Variants in MPHOSPH10 observed in about 807,000 individuals in gnomAD.
The protein encoded by MPHOSPH10 is U3 small nucleolar ribonucleoprotein MPP10.
In MPHOSPH10, 33 loss-of-function variants were observed where a neutral mutation model predicts 77.3. The observed-to-expected ratio is 0.43, with a 90% CI of 0.32 to 0.57. The LOEUF (loss-of-function observed/expected upper bound fraction) is 0.57. Ranked by LOEUF, MPHOSPH10 falls within the 20% of genes least tolerant of loss-of-function variation. The pLI is 0.07. For missense variants in MPHOSPH10, 708 were observed against 780.1 expected, an observed-to-expected ratio of 0.91 and a Z score of 1.10; for synonymous variants, 245 against 268.0, an observed-to-expected ratio of 0.91 and a Z score of 0.84.
intron 5 of MPHOSPH10, chr2:71,138,863 C>T (rs1049822559): frequency 1.7e-5 from 11 of 629,480 alleles, no homozygotes; most frequent in South Asian, 3.8e-5. Context: ...GGTGAAACCC[C>T]GTCTCTACTA....
chr2:71,134,904 C>T (rs1673456184), intron 4 of MPHOSPH10, 107 bp downstream of exon 4: 17 of 894,298 alleles, frequency 1.9e-5, no homozygotes, highest in South Asian at 1.9e-4. Flanking sequence ...CAGTGGCTCA[C>T]GCCTGTAATC....
At chr2:71,134,845 C>A in intron 4 of MPHOSPH10, 48 bp downstream of exon 4, 1 of 1,370,122 alleles carries the variant, frequency 7.3e-7, no homozygotes, top group Non-Finnish European at 1.0e-6. Flanking sequence ...ATTAACCATC[C>A]TTTGAAAACT....
Position 71,141,251 on chromosome 2 carries a change from G to C in MPHOSPH10, c.1328G>C (p.Arg443Pro), listed in dbSNP as rs201469945. The change falls in exon 7 of 11, where the codon CGT (arginine) becomes CCT (proline). Residue 443 changes from arginine (R) to proline (P), a missense_variant. By Grantham distance (103) the Arg-to-Pro change is moderately radical. Coordinates refer to ENST00000244230, the MANE Select transcript of MPHOSPH10 (RefSeq NM_005791.3). ...TTTCAGGCTTGGGATGATGTAGTAC[G>C]TAAAGAAAAACCTAAAGAGGATGCA... ...IRDQAWDDVVRKEKPKEDAYE... is the reference protein window; with the variant it reads ...IRDQAWDDVVPKEKPKEDAYE... 45 of 1,524,208 alleles carry C rather than the reference G, an allele frequency of 3.0e-5. No homozygotes were observed. In the East Asian group the frequency reaches 1.1e-3, roughly 37 times the overall value. 94.4% of individuals were successfully genotyped at this position (1,524,208 alleles called of 1,614,324 possible).
chr2:71,141,521 G>A, intron 7 of MPHOSPH10, 152 bp downstream of exon 7: 2 of 610,160 alleles, frequency 3.3e-6, no homozygotes, highest in Non-Finnish European at 5.0e-6. Flanking sequence ...GAATAGAAGG[G>A]TTCTAATATT....
chr2:71,134,509 A>T, intron 3 of MPHOSPH10, 117 bp from the exon 4 acceptor site: 1 of 875,298 alleles, frequency 1.1e-6, no homozygotes, highest in Non-Finnish European at 1.7e-6. Context: ...GGAAGTTCTG[A>T]GTATTTGGTT....
At chr2:71,139,676 C>A in intron 5 of MPHOSPH10, 119 bp from the exon 6 acceptor site, 1 of 662,992 alleles carries the variant, frequency 1.5e-6, no homozygotes, top group South Asian at 2.0e-5. Flanking sequence ...GGGGGTGGCC[C>A]AGGAATTTGC....
At chr2:71,139,092 G>A in intron 5 of MPHOSPH10, 1 of 287,368 alleles carries the variant, frequency 3.5e-6, no homozygotes, top group Non-Finnish European at 6.7e-6. Context: ...AAATACTACA[G>A]TGAACACCTA....
intron 2 of MPHOSPH10, 70 bp downstream of exon 2, chr2:71,133,646 A>G (rs1673431911): frequency 5.6e-6 from 8 of 1,418,810 alleles, no homozygotes; most frequent in Non-Finnish European, 7.6e-6. Context: ...TCTAGGAGAG[A>G]TTTAATTGTA....
intron 7 of MPHOSPH10, among the ~76,000 whole-genome samples, chr2:71,144,026 G>A (rs1296781785): frequency 6.6e-6 from 1 of 152,192 alleles, no homozygotes; most frequent in Non-Finnish European, 1.5e-5. Flanking sequence ...TGCCACTGTG[G>A]CCGCATCATT....
intron 10 of MPHOSPH10, 113 bp from the exon 11 acceptor site, chr2:71,149,753 C>T: frequency 2.1e-6 from 2 of 936,930 alleles, no homozygotes; most frequent in Non-Finnish European, 3.2e-6. Context: ...TAATTCTAGT[C>T]CTTTTTCATA....
At chr2:71,144,107 T>TG in intron 7 of MPHOSPH10, 1 of 171,140 alleles carries the variant, frequency 5.8e-6, no homozygotes, top group Non-Finnish European at 1.2e-5. Flanking sequence ...TGTTATCACT[T>TG]GCTATTTTCC....
chr2:71,142,611 A>C (rs1379590838), intron 7 of MPHOSPH10, among the ~76,000 whole-genome samples: 1 of 152,360 alleles, frequency 6.6e-6, no homozygotes, highest in South Asian at 2.1e-4. Context: ...TGTGTATGTA[A>C]TGTGGCTCAG....
At position 71,134,176 on chromosome 2, in the gene MPHOSPH10, T is replaced by C. The variant is rs149506545; in HGVS notation, c.926+71T>C. ...AATCATGTGTGTGTACTCGTAGTTA[T>C]CAAATGTGTTTGTCTTAGCAAGTTC... On this transcript the variant is annotated intron_variant, in intron 3 of 10. Transcript: ENST00000244230. 2,111 of 1,427,720 alleles carry C rather than the reference T, an allele frequency of 1.5e-3. 20 individuals are homozygous for C. The African/African-American group carries it at 0.018, about 12-fold the overall frequency. The allele number at this position is 1,427,720 out of a possible 1,614,324, so 88.4% of individuals were successfully genotyped here. A position where few individuals can be genotyped will look rare whatever the true frequency, so the allele number is the denominator to read the frequency against.
In MPHOSPH10 at chr2:71,147,966, G is replaced by T. The variant is rs756306082; in HGVS notation, c.1558-33G>T. ...CACATTTTGTGTTAGAGTCCCTTCT[G>T]GCTTCCCATTGAATGTATTATCTCT... On this transcript the variant is annotated intron_variant, in intron 8 of 10. Coordinates refer to ENST00000244230, the MANE Select transcript of MPHOSPH10 (RefSeq NM_005791.3). 3 of 1,551,636 alleles carry T rather than the reference G, an allele frequency of 1.9e-6. No homozygotes were observed. In the South Asian group the frequency reaches 3.3e-5, roughly 17 times the overall value.
At chr2:71,149,604 T>G in intron 10 of MPHOSPH10, 151 bp downstream of exon 10, 2 of 805,876 alleles carry the variant, frequency 2.5e-6, no homozygotes, top group Non-Finnish European at 3.9e-6. Flanking sequence ...CAACCTTTAA[T>G]GTTCTAGAAT....
intron 7 of MPHOSPH10, among the ~76,000 whole-genome samples, chr2:71,142,876 T>A (rs550672682): frequency 2.0e-5 from 3 of 152,282 alleles, no homozygotes; most frequent in African/African-American, 7.2e-5. Flanking sequence ...GGTGGGTTTC[T>A]TTTTTTCATG....
intron 8 of MPHOSPH10, among the ~76,000 whole-genome samples, 168 bp from the exon 9 acceptor site, chr2:71,147,831 C>A (rs1572901994): frequency 1.3e-5 from 2 of 152,150 alleles, no homozygotes; most frequent in Non-Finnish European, 2.9e-5. Flanking sequence ...CCATATCTAA[C>A]ATTTTAAATA....
At position 71,149,363 on chromosome 2, in the gene MPHOSPH10, C is replaced by T; in HGVS notation, c.1806C>T (p.Ser602=). The T allele has an allele frequency of 6.2e-7, 1 of 1,614,070 alleles. No individual in the cohort carries two copies. The highest frequency in any genetic ancestry group is 8.5e-7 in the Non-Finnish European group (1 of 1,179,998). ...AGCGGAGAAAACTGCTTGAAAAGAGCAGTGTAGATCAAGCAGGGAAATACA... is the reference window on the plus strand; with the variant it reads ...AGCGGAGAAAACTGCTTGAAAAGAGTAGTGTAGATCAAGCAGGGAAATACA... ...KEKRRKLLEK[S]SVDQAGKYSK... The change falls in exon 10 of 11, where the codon AGC becomes AGT. Residue 602 remains serine, a synonymous_variant. Transcript: ENST00000244230.
intron 1 of MPHOSPH10, 79 bp downstream of exon 1, chr2:71,130,833 G>A: frequency 1.5e-6 from 2 of 1,349,614 alleles, no homozygotes; most frequent in Non-Finnish European, 2.1e-6. Context: ...GCAAATTGTG[G>A]AGCTGGGGGA....
Sources: allele counts gnomAD v4.1 joint callset (sites outside exome capture counted in the v4.1 genomes callset), GRCh38; gene constraint gnomAD v4.1.1; transcripts MANE v1.5; gene names NCBI Gene and HGNC (gene_info 2026-07-23, HGNC 2026-07-21).